The following GRID2 variants were observed in gnomAD, a reference collection of about 807,000 sequenced individuals.
The protein encoded by GRID2 is glutamate receptor ionotropic, delta-2.
GRID2 carries 33 observed loss-of-function variants against 114.8 expected under a neutral mutation model. The observed-to-expected ratio is 0.29, with a 90% CI of 0.22 to 0.38. The LOEUF is 0.38. GRID2 is among the 10% of genes least tolerant of loss of function. The pLI, the probability that GRID2 is intolerant of heterozygous loss-of-function variation, is 1.00. For synonymous variants in GRID2, 505 were observed against 449.9 expected, an observed-to-expected ratio of 1.12 and a Z score of -1.55; for missense variants, 1,184 against 1,257.7, an observed-to-expected ratio of 0.94 and a Z score of 0.89.
At chr4:93,664,093 G>A (rs1273460303) in intron 14 of GRID2, among the ~76,000 whole-genome samples, 1 of 152,210 alleles carries the variant, frequency 6.6e-6, no homozygotes, top group Non-Finnish European at 1.5e-5. Flanking sequence ...AGGTGAAGGA[G>A]CAAGCCATGC....
At chr4:93,509,331 G>A (rs966632321) in intron 12 of GRID2, among the ~76,000 whole-genome samples, 14 of 152,168 alleles carry the variant, frequency 9.2e-5, no homozygotes, top group African/African-American at 1.2e-4. Flanking sequence ...AGTAGATGAG[G>A]TGGGGAAGTT....
At chr4:92,440,602 A>G (rs1438459345) in intron 1 of GRID2, among the ~76,000 whole-genome samples, 1 of 152,064 alleles carries the variant, frequency 6.6e-6, no homozygotes, top group Non-Finnish European at 1.5e-5. Flanking sequence ...TTCCTTGAGG[A>G]TAGATTTCCA....
At chr4:93,264,760 A>ATATAT (rs1491047540) in intron 8 of GRID2, among the ~76,000 whole-genome samples, 2 of 14,188 alleles carry the variant, frequency 1.4e-4, no homozygotes, top group Non-Finnish European at 2.3e-4. Context: ...TTTGAATGAT[A>ATATAT]TATATATATA....
intron 1 of GRID2, among the ~76,000 whole-genome samples, chr4:92,529,094 C>T (rs991883310): frequency 3.3e-5 from 5 of 151,946 alleles, no homozygotes; most frequent in African/African-American, 1.2e-4. Context: ...CGCTGAACTT[C>T]GGTCGGGGAT....
At position 92,897,476 on chromosome 4, in the gene GRID2, A is replaced by G. The variant is rs1355322752; in HGVS notation, c.245-187519A>G. Among the ~76,000 whole-genome samples, 4 of 152,020 alleles carry G rather than the reference A, an allele frequency of 2.6e-5. No individual in the cohort carries two copies. In the East Asian group the frequency reaches 5.8e-4, roughly 22 times the overall value. ...TGAATGGGAGTTCATTTTTAAGTCA[A>G]CATCTATTTCCCTTTTTTGTCACTC... On this transcript the variant is annotated intron_variant, in intron 2 of 15. Transcript: ENST00000282020.
chr4:93,138,914 C>T (rs997824217), intron 4 of GRID2, among the ~76,000 whole-genome samples: 3 of 152,162 alleles, frequency 2.0e-5, no homozygotes, highest in Non-Finnish European at 4.4e-5. Flanking sequence ...TGGTCATCTC[C>T]GTACTCCTCA....
At chr4:93,562,025 A>C (rs960430531) in intron 13 of GRID2, among the ~76,000 whole-genome samples, 6 of 151,960 alleles carry the variant, frequency 3.9e-5, no homozygotes, top group Admixed American at 1.3e-4. Context: ...CGAGTTTTCA[A>C]CTCCTCTGGG....
chr4:93,430,250 G>A (rs926246177), intron 10 of GRID2, among the ~76,000 whole-genome samples: 3 of 151,958 alleles, frequency 2.0e-5, no homozygotes, highest in Non-Finnish European at 4.4e-5. Context: ...GCGCAATCTC[G>A]GCTTGCTGCA....
intron 1 of GRID2, among the ~76,000 whole-genome samples, chr4:92,352,720 A>G (rs1329223832): frequency 6.6e-6 from 1 of 152,024 alleles, no homozygotes; most frequent in African/African-American, 2.4e-5. Context: ...ATTAGGATAA[A>G]TGCCTATCTA....
rs62307886 is a variant in GRID2, at chr4:92,614,075, C to G, written c.244+23789C>G. Among the ~76,000 whole-genome samples, 4 of 151,294 alleles carry G rather than the reference C, an allele frequency of 2.6e-5. No individual in the cohort carries two copies. In the Admixed American group the frequency reaches 2.6e-4, roughly 10 times the overall value. The stretch of plus-strand genomic sequence containing the variant: ...TATCCTCCTTCTAGCTATTTGAAAC[C>G]ATATATTATTATTAACTATAGTCAT... On this transcript the variant is annotated intron_variant, in intron 2 of 15. Coordinates refer to ENST00000282020, the MANE Select transcript of GRID2 (RefSeq NM_001510.4).
intron 1 of GRID2, among the ~76,000 whole-genome samples, chr4:92,327,372 G>T (rs560962102): frequency 2.0e-5 from 3 of 151,636 alleles, no homozygotes; most frequent in Admixed American, 6.6e-5. Context: ...GATTTTGTGT[G>T]TGTGTGTGTG....
chr4:93,258,784 AC>A (rs1749913342), intron 8 of GRID2: 13 of 382,410 alleles, frequency 3.4e-5, no homozygotes, highest in South Asian at 2.6e-4. Context: ...AACCACTACA[AC>A]TAATGCATGG....
intron 1 of GRID2, among the ~76,000 whole-genome samples, chr4:92,397,866 A>T (rs531349256): frequency 2.6e-5 from 4 of 152,316 alleles, no homozygotes; most frequent in African/African-American, 9.6e-5. Flanking sequence ...GTAAGGGTTG[A>T]ATCAGAAAGA....
chr4:92,562,639 G>T (rs1363799360), intron 1 of GRID2, among the ~76,000 whole-genome samples: 2 of 152,094 alleles, frequency 1.3e-5, no homozygotes, highest in Non-Finnish European at 2.9e-5. Context: ...CGGTAGGCCC[G>T]ACCTAGAAAC....
intron 8 of GRID2, among the ~76,000 whole-genome samples, chr4:93,284,723 A>G (rs1306863515): frequency 6.6e-6 from 1 of 151,884 alleles, no homozygotes; most frequent in Non-Finnish European, 1.5e-5. Flanking sequence ...CAGAATGTAT[A>G]CATTATATAG....
At chr4:92,799,928 A>T (rs2149371147) in intron 2 of GRID2, among the ~76,000 whole-genome samples, 1 of 152,142 alleles carries the variant, frequency 6.6e-6, no homozygotes, top group African/African-American at 2.4e-5. Context: ...TTAAACAATC[A>T]TATTCACTCT....
chr4:93,486,629 CTT>C (rs1560671254), intron 11 of GRID2, among the ~76,000 whole-genome samples: 1 of 151,572 alleles, frequency 6.6e-6, no homozygotes, highest in South Asian at 2.1e-4. Context: ...TAATTTTTCT[CTT>C]TTGGTCCTAA....
intron 2 of GRID2, among the ~76,000 whole-genome samples, chr4:92,964,050 C>G (rs1265022500): frequency 1.3e-5 from 2 of 151,948 alleles, no homozygotes; most frequent in African/African-American, 4.8e-5. Context: ...ATTCAGGAAA[C>G]CATGCTGTAA....
At chr4:93,445,285 C>A (rs769084911) in intron 10 of GRID2, among the ~76,000 whole-genome samples, 2 of 151,858 alleles carry the variant, frequency 1.3e-5, no homozygotes, top group African/African-American at 4.8e-5. Flanking sequence ...GCTCTGGAAG[C>A]GTGATAAACC....
Sources: allele counts gnomAD v4.1 joint callset (sites outside exome capture counted in the v4.1 genomes callset), GRCh38; gene constraint gnomAD v4.1.1; transcripts MANE v1.5; gene names NCBI Gene and HGNC (gene_info 2026-07-23, HGNC 2026-07-21).